Variants in SPTLC1 observed in about 807,000 individuals in gnomAD.
SPTLC1 encodes the protein serine palmitoyltransferase 1.
SPTLC1 carries 55 observed loss-of-function variants against 68.9 expected under a neutral mutation model. The ratio of observed to expected loss-of-function variants is 0.80; its 90% CI spans 0.64 to 1.00. The LOEUF (loss-of-function observed/expected upper bound fraction) is 1.00, where lower values mean the gene tolerates loss of function less well. Among genes scored for constraint, SPTLC1 ranks in the 50% least tolerant of loss-of-function variants. The pLI is 0.00. For missense variants in SPTLC1, 449 were observed against 573.1 expected (o/e 0.78, Z 2.21); for synonymous variants, 197 against 201.6 (o/e 0.98, Z 0.19).
chr9:92,079,535 C>T (rs748883151), intron 5 of SPTLC1: 3 of 1,613,866 alleles, frequency 1.9e-6, no homozygotes, highest in Non-Finnish European at 2.5e-6. Flanking sequence ...ATTATCCATA[C>T]ACAAGGAAAT....
intron 12 of SPTLC1, among the ~76,000 whole-genome samples, chr9:92,039,310 C>T (rs1194305539): frequency 1.3e-5 from 2 of 152,150 alleles, no homozygotes; most frequent in Admixed American, 6.5e-5. Flanking sequence ...TGTAGCTTCT[C>T]AAGGAGAAAG....
intron 3 of SPTLC1, among the ~76,000 whole-genome samples, chr9:92,083,266 T>C (rs1340810606): frequency 1.3e-5 from 2 of 152,228 alleles, no homozygotes; most frequent in African/African-American, 4.8e-5. Flanking sequence ...TTGTCAATTT[T>C]GGCTTTTGTT....
At chr9:92,113,641 G>A (rs1836325012) in intron 1 of SPTLC1, among the ~76,000 whole-genome samples, 1 of 152,152 alleles carries the variant, frequency 6.6e-6, no homozygotes, top group Non-Finnish European at 1.5e-5. Context: ...CAATTTTAGT[G>A]GCTCATTTTA....
chr9:92,043,298 T>C (rs1245358764), intron 12 of SPTLC1, among the ~76,000 whole-genome samples: 1 of 152,222 alleles, frequency 6.6e-6, no homozygotes, highest in East Asian at 1.9e-4. Flanking sequence ...CTGGCCACTC[T>C]TTCTCAGACT....
chr9:92,045,565 T>C (rs1833487440), intron 12 of SPTLC1, among the ~76,000 whole-genome samples: 1 of 135,418 alleles, frequency 7.4e-6, no homozygotes, highest in Non-Finnish European at 1.5e-5. Context: ...CTGATAAAAT[T>C]TCACTTGTTT....
At chr9:92,084,032 GCTCT>G (rs1210996319) in intron 3 of SPTLC1, among the ~76,000 whole-genome samples, 5 of 151,824 alleles carry the variant, frequency 3.3e-5, no homozygotes, top group African/African-American at 9.7e-5. Flanking sequence ...TCATGATTTG[GCTCT>G]CTGTTTGTCT....
chr9:92,059,537 A>G (rs962820717), intron 6 of SPTLC1, among the ~76,000 whole-genome samples: 3 of 152,216 alleles, frequency 2.0e-5, no homozygotes, highest in Non-Finnish European at 4.4e-5. Context: ...CTCACTATAT[A>G]TTAATCTCTC....
intron 3 of SPTLC1, among the ~76,000 whole-genome samples, chr9:92,100,288 C>CTA (rs904243881): frequency 6.6e-6 from 1 of 152,166 alleles, no homozygotes; most frequent in Non-Finnish European, 1.5e-5. Flanking sequence ...GCCCACAGGG[C>CTA]TATACTGCCC....
intron 6 of SPTLC1, among the ~76,000 whole-genome samples, chr9:92,066,942 T>C (rs1021876592): frequency 2.4e-4 from 37 of 151,686 alleles, no homozygotes; most frequent in African/African-American, 8.3e-4. Context: ...ATCACTCCAC[T>C]GCACTTCAGC....
At chr9:92,070,365 C>G (rs536166990) in intron 5 of SPTLC1, 29 of 152,332 alleles carry the variant, frequency 1.9e-4, no homozygotes, top group African/African-American at 7.0e-4. Flanking sequence ...TTTTGATGTC[C>G]ATATCTTCTG....
At chr9:92,106,472 CA>C (rs34928872) in intron 3 of SPTLC1, among the ~76,000 whole-genome samples, 840 of 68,386 alleles carry the variant, frequency 0.012, 5 homozygotes, top group Middle Eastern at 0.033. Flanking sequence ...GACTCCGTCT[CA>C]AAAAAAAAAA....
intron 6 of SPTLC1, among the ~76,000 whole-genome samples, chr9:92,062,995 C>T (rs903956813): frequency 1.3e-5 from 2 of 151,936 alleles, no homozygotes. Context: ...ATAAACCAAA[C>T]GTCAGCAGAA....
At chr9:92,108,932 A>C in intron 2 of SPTLC1, 98 bp from the exon 3 acceptor site, 1 of 1,558,254 alleles carries the variant, frequency 6.4e-7, no homozygotes, top group South Asian at 1.1e-5. Context: ...TAATTCTACT[A>C]ACTATTCTCA....
At chr9:92,096,238 C>A (rs891438379) in intron 3 of SPTLC1, among the ~76,000 whole-genome samples, 1 of 152,110 alleles carries the variant, frequency 6.6e-6, no homozygotes, top group African/African-American at 2.4e-5. Flanking sequence ...AATAAACGAA[C>A]AGGTCCCTGT....
At chr9:92,048,742 T>C (rs1833604641) in intron 9 of SPTLC1, among the ~76,000 whole-genome samples, 1 of 152,218 alleles carries the variant, frequency 6.6e-6, no homozygotes, top group Non-Finnish European at 1.5e-5. Context: ...TTAACAATTT[T>C]TAAATGTTAA....
chr9:92,032,803 G>C (rs1299671796), intron 14 of SPTLC1, among the ~76,000 whole-genome samples: 8 of 151,620 alleles, frequency 5.3e-5, no homozygotes, highest in Non-Finnish European at 8.8e-5. Flanking sequence ...GTGAACCTGG[G>C]AGGCGGAGCT....
chr9:92,094,097 C>T (rs1262542767), intron 3 of SPTLC1, among the ~76,000 whole-genome samples: 1 of 152,144 alleles, frequency 6.6e-6, no homozygotes, highest in East Asian at 1.9e-4. Context: ...TTTGGGACCT[C>T]AGGGTAGGAA....
chr9:92,075,515 C>A (rs966530996), intron 5 of SPTLC1, among the ~76,000 whole-genome samples: 6 of 152,190 alleles, frequency 3.9e-5, no homozygotes, highest in African/African-American at 1.4e-4. Flanking sequence ...ACAGCAAAAA[C>A]GCAGGGCTGC....
At chr9:92,034,992 T>C (rs1833096437) in intron 13 of SPTLC1, 109 bp from the exon 14 acceptor site, 6 of 918,160 alleles carry the variant, frequency 6.5e-6, no homozygotes, top group South Asian at 6.5e-5. Context: ...ACTTTTCCAA[T>C]TATAATTGCT....
Sources: gnomAD v4.1 joint callset for allele counts (sites outside exome capture counted in the v4.1 genomes callset) on GRCh38, gnomAD v4.1.1 for gene constraint, MANE v1.5 for transcripts, NCBI Gene and HGNC (gene_info 2026-07-23, HGNC 2026-07-21) for gene names.